Variants in CLPX observed in about 807,000 individuals in gnomAD.
The protein encoded by CLPX is ATP-dependent clpX-like chaperone, mitochondrial.
Under a neutral mutation model 76.4 loss-of-function variants are expected in CLPX, and 34 were observed. The ratio of observed to expected loss-of-function variants is 0.45; its 90% confidence interval spans 0.34 to 0.59. CLPX has a LOEUF of 0.59. CLPX is among the 20% of genes least tolerant of loss of function. CLPX has a pLI of 0.01. For missense variants in CLPX, 613 were observed against 757.0 expected (o/e 0.81, Z 2.23); for synonymous variants, 248 against 270.9 (o/e 0.92, Z 0.83).
chr15:65,173,358 T>A (rs2088038825), intron 3 of CLPX, among the ~76,000 whole-genome samples: 1 of 126,778 alleles, frequency 7.9e-6, no homozygotes. Flanking sequence ...AGAGTGAGAC[T>A]CTGTCTCAAA....
intron 1 of CLPX, among the ~76,000 whole-genome samples, chr15:65,182,370 A>G (rs2088186922): frequency 2.0e-5 from 3 of 152,214 alleles, no homozygotes; most frequent in African/African-American, 7.2e-5. Flanking sequence ...TAACAAAGGA[A>G]ACAAATTATA....
chr15:65,165,959 C>A (rs949039007), intron 4 of CLPX, among the ~76,000 whole-genome samples: 2 of 152,104 alleles, frequency 1.3e-5, no homozygotes, highest in Non-Finnish European at 2.9e-5. Context: ...TCTAAGTGTG[C>A]AAACATCTGA....
At chr15:65,160,623 T>TCTCTCTCTCTCTCTCACACACA (rs1219208926) in intron 6 of CLPX, among the ~76,000 whole-genome samples, 4 of 100,970 alleles carry the variant, frequency 4.0e-5, no homozygotes, top group African/African-American at 7.6e-5. Context: ...TCTCTCTCTC[T>TCTCTCTCTCTCTCTCACACACA]CACACACACA....
chr15:65,179,548 A>C (rs1045972800), intron 2 of CLPX, among the ~76,000 whole-genome samples: 6 of 152,212 alleles, frequency 3.9e-5, no homozygotes, highest in African/African-American at 1.4e-4. Context: ...AGTCAAATTC[A>C]CGTAATGAAA....
Position 65,158,617 on chromosome 15 carries a change from G to C in CLPX, c.850C>G (p.Leu284Val), listed in dbSNP as rs1406694374. The change falls in exon 7 of 14, where the codon CTT becomes GTT. Residue 284 changes from leucine to valine, a missense_variant. Leu to Val is a conservative substitution (Grantham distance 32). This residue lies in a region of CLPX where 450 missense variants were observed against 638.6 expected (regional missense o/e 0.70). Coordinates refer to ENST00000300107, the MANE Select transcript of CLPX (RefSeq NM_006660.5). ...VLDSSHDDIK[L>V]EKSNILLLGP... ...AGCAGCAAAATATTACTTTTTTCAAGTTTTATGTCATCATGAGAAGAATCC... is the reference window on the plus strand; with the variant it reads ...AGCAGCAAAATATTACTTTTTTCAACTTTTATGTCATCATGAGAAGAATCC... 6.2e-7 allele frequency: 1 copy of C among 1,612,814 alleles called. No individual in the cohort carries two copies. Among genetic ancestry groups the C allele is most frequent in the Non-Finnish European group, 8.5e-7 (1 of 1,179,606 alleles).
chr15:65,170,621 CA>C (rs2087988507), intron 3 of CLPX, among the ~76,000 whole-genome samples: 1 of 151,650 alleles, frequency 6.6e-6, no homozygotes, highest in African/African-American at 2.4e-5. Context: ...AAAAATTAGC[CA>C]GGTGTGGTGG....
chr15:65,177,158 TC>T (rs1182527059), intron 3 of CLPX, among the ~76,000 whole-genome samples: 1 of 151,856 alleles, frequency 6.6e-6, no homozygotes, highest in Admixed American at 6.6e-5. Flanking sequence ...GACCTCCACC[TC>T]CCAGGTTCAA....
At chr15:65,171,673 T>C (rs1043607137) in intron 3 of CLPX, among the ~76,000 whole-genome samples, 1 of 152,204 alleles carries the variant, frequency 6.6e-6, no homozygotes, top group Non-Finnish European at 1.5e-5. Context: ...TTACAATTGT[T>C]ACTGATGGTA....
At chr15:65,182,130 A>AG (rs2088183323) in intron 1 of CLPX, among the ~76,000 whole-genome samples, 1 of 151,590 alleles carries the variant, frequency 6.6e-6, no homozygotes, top group African/African-American at 2.4e-5. Flanking sequence ...AAAAAAAAAA[A>AG]AAAGAAAGAA....
At chr15:65,169,883 C>G (rs1361864342) in intron 3 of CLPX, among the ~76,000 whole-genome samples, 2 of 151,890 alleles carry the variant, frequency 1.3e-5, no homozygotes, top group South Asian at 2.1e-4. Context: ...GCCTCAGCCT[C>G]CGAAGTAGCT....
At chr15:65,152,291 C>T (rs1486769263) in intron 13 of CLPX, 139 bp downstream of exon 13, 1 of 381,048 alleles carries the variant, frequency 2.6e-6, no homozygotes, top group Non-Finnish European at 4.6e-6. Flanking sequence ...TTAGATTTTT[C>T]TACAGAAAAC....
intron 1 of CLPX, among the ~76,000 whole-genome samples, chr15:65,184,768 A>T (rs2088231976): frequency 2.0e-5 from 3 of 152,258 alleles, no homozygotes; most frequent in African/African-American, 7.2e-5. Context: ...TTTTAATAAC[A>T]GGAGCATTTT....
intron 1 of CLPX, 34 bp downstream of exon 1, chr15:65,185,039 CAG>C (rs1566988987): frequency 6.6e-7 from 1 of 1,510,132 alleles, no homozygotes; most frequent in Non-Finnish European, 9.0e-7. Context: ...CCCCCCCCGA[CAG>C]GCTGAGGGCT....
intron 4 of CLPX, 40 bp from the exon 5 acceptor site, chr15:65,164,228 T>C (rs764803141): frequency 2.0e-5 from 30 of 1,506,778 alleles, no homozygotes; most frequent in African/African-American, 2.8e-5. Context: ...ATATGAGCTA[T>C]TATAAGAGCA....
chr15:65,150,758 AG>A lies in CLPX; in HGVS notation c.*64del. The A allele has an allele frequency of 8.9e-7, 1 of 1,123,350 alleles. No individual in the cohort carries two copies. Among genetic ancestry groups the A allele is most frequent in the South Asian group, 1.4e-5 (1 of 73,700 alleles). 69.6% of individuals were successfully genotyped at this position (1,123,350 alleles called of 1,614,324 possible). A position where few individuals can be genotyped will look rare whatever the true frequency, so the allele number is the denominator to read the frequency against. On this transcript the variant is annotated 3_prime_UTR_variant, in exon 14 of 14. Transcript: ENST00000300107. Reference sequence around the variant, plus strand: ...TCCAATGCCTTTAATATCAGACTGTAGAGACAATTATGATCCTAAACAAAAG... The same window carrying A: ...TCCAATGCCTTTAATATCAGACTGTAAGACAATTATGATCCTAAACAAAAG...
At chr15:65,184,279 A>G (rs1420032086) in intron 1 of CLPX, 2 of 152,126 alleles carry the variant, frequency 1.3e-5, no homozygotes, top group African/African-American at 2.4e-5. Flanking sequence ...TATTTTCCAG[A>G]CTCTCTTGGC....
chr15:65,177,596 T>C lies in CLPX; in HGVS notation c.358+1338A>G, dbSNP rs1000061659. Among the ~76,000 whole-genome samples the C allele has an allele frequency of 3.3e-5, 5 of 152,174 alleles. No homozygotes were observed. The South Asian group carries it at 1.0e-3, about 32-fold the overall frequency. On this transcript the variant is annotated intron_variant, in intron 3 of 13. Transcript: ENST00000300107. ...TACTCTCTAGCCAACCATCAGACAC[T>C]GAAGTCTTACAATCTTGAAGCTTTC...
At chr15:65,167,721 A>G (rs536178370) in intron 3 of CLPX, among the ~76,000 whole-genome samples, 14 of 151,190 alleles carry the variant, frequency 9.3e-5, no homozygotes, top group Admixed American at 9.2e-4. Flanking sequence ...ACTAAAAAAA[A>G]AAAAAAAAAT....
intron 13 of CLPX, among the ~76,000 whole-genome samples, chr15:65,152,086 C>T (rs562915542): frequency 9.9e-5 from 15 of 152,128 alleles, no homozygotes; most frequent in Admixed American, 8.5e-4. Context: ...CACACCACCA[C>T]GCCCAGCTAA....
Sources: allele counts gnomAD v4.1 joint callset (sites outside exome capture counted in the v4.1 genomes callset), GRCh38; gene constraint gnomAD v4.1.1; regional missense constraint gnomAD v4.1.1; transcripts MANE v1.5; gene names NCBI Gene and HGNC (gene_info 2026-07-23, HGNC 2026-07-21).